Variants in TCOF1 observed in about 807,000 individuals in gnomAD.
TCOF1 encodes treacle protein.
Under a neutral mutation model 149.0 loss-of-function variants are expected in TCOF1, and 33 were observed. That is an observed-to-expected ratio of 0.22 (90% CI 0.17 to 0.30). The LOEUF is 0.30. Among genes scored for constraint, TCOF1 ranks in the 10% least tolerant of loss-of-function variants. The probability of loss-of-function intolerance (pLI) is 1.00; values close to 1 mark genes in which losing one functional copy is unlikely to be tolerated. For missense variants in TCOF1, 1,728 were observed against 1,840.7 expected (o/e 0.94, Z 1.12); for synonymous variants, 789 against 738.8 (o/e 1.07, Z -1.10).
chr5:150,362,150 C>T (rs1031023235), intron 2 of TCOF1, among the ~76,000 whole-genome samples: 31 of 152,272 alleles, frequency 2.0e-4, no homozygotes, highest in African/African-American at 7.0e-4. Flanking sequence ...CTTGTGTACC[C>T]ATGCATAGAG....
Position 150,375,164 on chromosome 5 carries a change from G to T in TCOF1, c.1488+1G>T, listed in dbSNP as rs766307810. Reference sequence around the variant, plus strand: ...ACTGGCAGCCATGAATGCAGCTCAGGTGAGGCTGGAAGCCGCCCTGCATGG... The same window carrying T: ...ACTGGCAGCCATGAATGCAGCTCAGTTGAGGCTGGAAGCCGCCCTGCATGG... On this transcript the variant is annotated splice_donor_variant, in intron 10 of 26. Coordinates refer to ENST00000643257, the MANE Select transcript of TCOF1 (RefSeq NM_001371623.1). LOFTEE classifies it high-confidence loss of function. The T allele has an allele frequency of 6.2e-7, 1 of 1,613,570 alleles. No individual in the cohort carries two copies.
chr5:150,390,824 C>T (rs1767274665), intron 19 of TCOF1, among the ~76,000 whole-genome samples: 1 of 152,124 alleles, frequency 6.6e-6, no homozygotes, highest in Non-Finnish European at 1.5e-5. Flanking sequence ...AGGGATACTG[C>T]AGGAACCAAG....
In TCOF1 at chr5:150,372,007, G is replaced by A. The variant is rs1211913741; in HGVS notation, c.641G>A (p.Gly214Glu). Residue 214 changes from glycine (G) to glutamate (E), a missense_variant and splice_region_variant, in exon 7 of 27, where the codon GGG (glycine) becomes GAG (glutamate). Physicochemically the swap from Gly to Glu is moderately conservative, Grantham distance 98. Coordinates refer to ENST00000643257, the MANE Select transcript of TCOF1 (RefSeq NM_001371623.1). ...SSSSDETDVEGKPSVKPAQVK... is the reference protein window; with the variant it reads ...SSSSDETDVEEKPSVKPAQVK... Reference sequence around the variant, plus strand: ...TCTAATTCCATCCTCTTGTTCCAGGGGAAACCCTCAGTAAAACCAGCCCAG... The same window carrying A: ...TCTAATTCCATCCTCTTGTTCCAGGAGAAACCCTCAGTAAAACCAGCCCAG... 1.2e-6 allele frequency: 2 copies of A among 1,613,556 alleles called. No homozygotes were observed. Among genetic ancestry groups the A allele is most frequent in the African/African-American group, 2.7e-5 (2 of 74,930 alleles).
chr5:150,357,925 C>T (rs1017154238), intron 1 of TCOF1, 71 bp downstream of exon 1: 336 of 1,503,170 alleles, frequency 2.2e-4, no homozygotes, highest in Non-Finnish European at 1.8e-4. Context: ...GGCCCGCGCC[C>T]CGTCCCCAGG....
In TCOF1 at chr5:150,367,878, G is replaced by A; in HGVS notation, c.339G>A (p.Leu113=). 6.2e-7 allele frequency: 1 copy of A among 1,614,162 alleles called. No individual in the cohort carries two copies. The highest frequency in any genetic ancestry group is 8.5e-7 in the Non-Finnish European group (1 of 1,180,008). The change falls in exon 4 of 27, where the codon CTG becomes CTA. Residue 113 remains leucine (L), a synonymous_variant. Transcript: ENST00000643257. The part of the protein sequence containing the change: ...PRLASTNSSV[L]GADLPSSMKE... ...TAGCATCTACCAACTCCTCAGTCCT[G>A]GGGGCGGACTTGCCATCAAGCATGA...
intron 7 of TCOF1, among the ~76,000 whole-genome samples, chr5:150,372,669 T>C (rs1473971553): frequency 6.6e-6 from 1 of 151,744 alleles, no homozygotes; most frequent in East Asian, 1.9e-4. Context: ...TGGAAAGCAA[T>C]GGAAGTCAGA....
intron 17 of TCOF1, chr5:150,384,200 G>A: frequency 6.0e-6 from 6 of 1,006,786 alleles, no homozygotes; most frequent in Non-Finnish European, 7.1e-6. Context: ...GGTGCTCACT[G>A]CCTCTCACTT....
chr5:150,363,793 G>A (rs1488714655), intron 2 of TCOF1, among the ~76,000 whole-genome samples: 4 of 152,160 alleles, frequency 2.6e-5, no homozygotes, highest in Non-Finnish European at 4.4e-5. Context: ...TTCTGCAGGG[G>A]GAAGAGCCTG....
At chr5:150,392,586 C>A in intron 21 of TCOF1, 119 bp from the exon 22 acceptor site, 1 of 913,372 alleles carries the variant, frequency 1.1e-6, no homozygotes, top group Non-Finnish European at 1.7e-6. Flanking sequence ...TGTGGTGAGG[C>A]GGGGCAGGGG....
intron 12 of TCOF1, 50 bp from the exon 13 acceptor site, chr5:150,376,032 G>A (rs759783009): frequency 6.2e-7 from 1 of 1,613,164 alleles, no homozygotes; most frequent in Non-Finnish European, 8.5e-7. Flanking sequence ...AACAGATGGG[G>A]GACTCTGAGT....
At chr5:150,367,075 G>A (rs1447185986) in intron 3 of TCOF1, among the ~76,000 whole-genome samples, 2 of 152,056 alleles carry the variant, frequency 1.3e-5, no homozygotes, top group African/African-American at 4.8e-5. Context: ...GGAGGCCGAG[G>A]TGGGCAGATC....
At chr5:150,382,542 C>T (rs190356902) in intron 17 of TCOF1, among the ~76,000 whole-genome samples, 29 of 152,330 alleles carry the variant, frequency 1.9e-4, no homozygotes, top group Admixed American at 1.2e-3. Flanking sequence ...ACTGAGCTGC[C>T]ATCACCACCA....
chr5:150,383,432 C>T (rs1290869842), intron 17 of TCOF1, among the ~76,000 whole-genome samples: 1 of 152,252 alleles, frequency 6.6e-6, no homozygotes, highest in African/African-American at 2.4e-5. Flanking sequence ...CCCCATGGTC[C>T]TGGGCAGATG....
At position 150,399,075 on chromosome 5, in the gene TCOF1, G is replaced by T; in HGVS notation, c.*22+5G>T. 6.2e-7 allele frequency: 1 copy of T among 1,614,232 alleles called. No homozygotes were observed. Among genetic ancestry groups the T allele is most frequent in the Non-Finnish European group, 8.5e-7 (1 of 1,180,034 alleles). ...GAGCACCAGCACCAGGCACAGGTAC[G>T]CTTCCCAATCATTCCTGAGCATTCA... On this transcript the variant is annotated splice_donor_5th_base_variant and intron_variant, in intron 26 of 26. Coordinates refer to ENST00000643257, the MANE Select transcript of TCOF1 (RefSeq NM_001371623.1).
chr5:150,376,314 C>T lies in TCOF1; in HGVS notation c.2126C>T (p.Ala709Val). ...SDSEEEKTGLAVTVGQAKSVG... is the reference protein window; with the variant it reads ...SDSEEEKTGLVVTVGQAKSVG... ...AGTGAGGAAGAGAAGACAGGTCTTGCAGTAACCGTGGGACAGGTGAGGCCT... is the reference window on the plus strand; with the variant it reads ...AGTGAGGAAGAGAAGACAGGTCTTGTAGTAACCGTGGGACAGGTGAGGCCT... The change falls in exon 13 of 27, where the codon GCA (alanine) becomes GTA (valine). Residue 709 changes from alanine (A) to valine (V), a missense_variant. By Grantham distance (64) the Ala-to-Val change is moderately conservative. Around this residue, in one of 2 missense-constraint regions of TCOF1, gnomAD observed 1,696 missense variants for 1,765.4 expected, o/e 0.96. Coordinates refer to ENST00000643257, the MANE Select transcript of TCOF1 (RefSeq NM_001371623.1). The T allele has an allele frequency of 6.2e-7, 1 of 1,614,200 alleles. No individual in the cohort carries two copies. The highest frequency in any genetic ancestry group is 8.5e-7 in the Non-Finnish European group (1 of 1,180,042).
Position 150,373,234 on chromosome 5 carries a change from G to A in TCOF1, c.871-940G>A, listed in dbSNP as rs899567143. Among the ~76,000 whole-genome samples the A allele has an allele frequency of 1.1e-4, 17 of 151,868 alleles. 1 individual carries two copies. The highest frequency in any genetic ancestry group is 4.1e-4 in the African/African-American group (17 of 41,228). ...AGCTTGTGTGTGTGTGTGTGTGTGT[G>A]TATAGACAGGGTTTCACTGTGTTTC... is the stretch of plus-strand genomic sequence containing the variant. On this transcript the variant is annotated intron_variant, in intron 7 of 26. Coordinates refer to ENST00000643257, the MANE Select transcript of TCOF1 (RefSeq NM_001371623.1).
chr5:150,395,400 G>A (rs1484701061), intron 23 of TCOF1, among the ~76,000 whole-genome samples: 1 of 152,182 alleles, frequency 6.6e-6, no homozygotes, highest in East Asian at 1.9e-4. Flanking sequence ...GAGCCGGTGA[G>A]GAGACCCAGT....
chr5:150,399,502 A>G lies in TCOF1; in HGVS notation c.*23-308A>G, dbSNP rs139516518. On this transcript the variant is annotated intron_variant, in intron 26 of 26. Transcript: ENST00000643257. ...TATCACCATGGATCTATGCTTCCCT[A>G]TGGAGGACAGGCCCTGCCAAGTGGT... 2.3e-3 allele frequency among the ~76,000 whole-genome samples: 348 copies of G among 152,168 alleles called. 3 individuals carry two copies. Among genetic ancestry groups the G allele is most frequent in the African/African-American group, 7.7e-3 (318 of 41,514 alleles).
At chr5:150,373,579 C>T (rs1028737389) in intron 7 of TCOF1, among the ~76,000 whole-genome samples, 13 of 152,284 alleles carry the variant, frequency 8.5e-5, no homozygotes, top group African/African-American at 3.1e-4. Flanking sequence ...CAGAGCCCCA[C>T]CGAGGAGTTA....
Sources: gnomAD v4.1 joint callset for allele counts (sites outside exome capture counted in the v4.1 genomes callset) on GRCh38, gnomAD v4.1.1 for gene constraint, gnomAD v4.1.1 regional missense constraint, MANE v1.5 for transcripts, NCBI Gene and HGNC (gene_info 2026-07-23, HGNC 2026-07-21) for gene names.